The following DLGAP2 variants were observed in gnomAD, a reference collection of about 807,000 sequenced individuals.
The protein encoded by DLGAP2 is disks large-associated protein 2.
A neutral mutation model predicts 100.3 loss-of-function variants in DLGAP2; 26 were observed. That is an observed-to-expected ratio of 0.26 (90% CI 0.19 to 0.36). The LOEUF (loss-of-function observed/expected upper bound fraction) is 0.36. Among genes scored for constraint, DLGAP2 ranks in the 10% least tolerant of loss-of-function variants. The pLI is 1.00. For synonymous variants in DLGAP2, 886 were observed against 630.1 expected (o/e 1.41, Z -6.08); for missense variants, 1,858 against 1,453.2 (o/e 1.28, Z -4.53).
In DLGAP2 at chr8:1,185,709, TCACACA is replaced by T. The variant is rs879332226; in HGVS notation, c.74-73130_74-73125del. Among the ~76,000 whole-genome samples the T allele has an allele frequency of 8.0e-5, 7 of 87,266 alleles. No individual in the cohort carries two copies. In the East Asian group the frequency reaches 2.4e-3, roughly 30 times the overall value. The allele number at this position is 87,266 out of a possible 152,430, so 57.2% of individuals were successfully genotyped here. A position where few individuals can be genotyped will look rare whatever the true frequency, so the allele number is the denominator to read the frequency against. On this transcript the variant is annotated intron_variant, in intron 2 of 14. Coordinates refer to ENST00000637795, the MANE Select transcript of DLGAP2 (RefSeq NM_001346810.2). ...TAGCTGTAAACACACACACTCACAC[TCACACA>T]CACACACACACTCACACTCACACAC...
intron 4 of DLGAP2, among the ~76,000 whole-genome samples, chr8:1,543,255 A>G (rs759612711): frequency 3.4e-4 from 52 of 152,246 alleles, no homozygotes; most frequent in Non-Finnish European, 1.0e-4. Context: ...GACATGTCTA[A>G]GAAACCATTG....
chr8:1,192,524 A>G lies in DLGAP2; in HGVS notation c.74-66327A>G, dbSNP rs552174459. On this transcript the variant is annotated intron_variant, in intron 2 of 14. Coordinates refer to ENST00000637795, the MANE Select transcript of DLGAP2 (RefSeq NM_001346810.2). ...TAAACCTGCTCCTCCGTCTGTCTGA[A>G]ATCTCATGCCCTTTGTCCAGCCTCT... Among the ~76,000 whole-genome samples, 857 of 152,004 alleles carry G rather than the reference A, an allele frequency of 5.6e-3. 3 individuals are homozygous for G. Among genetic ancestry groups the G allele is most frequent in the Middle Eastern group, 0.017 (5 of 294 alleles).
At chr8:1,366,404 A>G (rs116326609) in intron 3 of DLGAP2, among the ~76,000 whole-genome samples, 67 of 152,302 alleles carry the variant, frequency 4.4e-4, no homozygotes, top group African/African-American at 1.6e-3. Context: ...GCATGTTGTG[A>G]GAGAACCAAG....
chr8:1,173,201 T>C (rs1797169412), intron 2 of DLGAP2, among the ~76,000 whole-genome samples: 2 of 152,296 alleles, frequency 1.3e-5, no homozygotes, highest in South Asian at 4.1e-4. Flanking sequence ...CAGTGGTTTT[T>C]CGTGAACCGC....
intron 2 of DLGAP2, among the ~76,000 whole-genome samples, chr8:1,238,283 T>A (rs1363645279): frequency 2.8e-4 from 11 of 39,582 alleles, no homozygotes; most frequent in African/African-American, 1.2e-3. Flanking sequence ...TCTAGTTCTC[T>A]CACATGTTGC....
intron 1 of DLGAP2, among the ~76,000 whole-genome samples, chr8:806,195 A>T (rs1023304417): frequency 2.0e-5 from 3 of 152,218 alleles, no homozygotes; most frequent in African/African-American, 7.2e-5. Flanking sequence ...CAAGTGACAG[A>T]TACTCAGCTC....
chr8:1,653,256 C>A (rs1171258741), intron 8 of DLGAP2, among the ~76,000 whole-genome samples: 1 of 150,438 alleles, frequency 6.6e-6, no homozygotes, highest in African/African-American at 2.5e-5. Flanking sequence ...GTTCTTGGTG[C>A]CTGGAGACAC....
At chr8:923,025 C>T (rs543829624) in intron 2 of DLGAP2, among the ~76,000 whole-genome samples, 1 of 152,214 alleles carries the variant, frequency 6.6e-6, no homozygotes, top group East Asian at 1.9e-4. Flanking sequence ...CTCTGTATCA[C>T]ACTCGGGTGT....
chr8:1,521,400 C>T lies in DLGAP2; in HGVS notation c.172+19969C>T, dbSNP rs562051887. On this transcript the variant is annotated intron_variant, in intron 4 of 14. Transcript: ENST00000637795. Reference sequence around the variant, plus strand: ...ATACTCGGGGGCAGGTGATATGGAGCGTCTCTGGTTTGCACACTTGTTTTA... The same window carrying T: ...ATACTCGGGGGCAGGTGATATGGAGTGTCTCTGGTTTGCACACTTGTTTTA... 1.3e-4 allele frequency among the ~76,000 whole-genome samples: 7 copies of T among 52,358 alleles called. 2 individuals carry two copies. In the South Asian group the frequency reaches 6.0e-3, roughly 45 times the overall value. 34.3% of individuals were successfully genotyped at this position (52,358 alleles called of 152,430 possible). A position where few individuals can be genotyped will look rare whatever the true frequency, so the allele number is the denominator to read the frequency against.
intron 1 of DLGAP2, among the ~76,000 whole-genome samples, chr8:786,704 A>G (rs975377327): frequency 1.3e-5 from 2 of 152,060 alleles, no homozygotes; most frequent in Non-Finnish European, 2.9e-5. Context: ...GGGGTGGCTG[A>G]GAAGGGAGAG....
intron 2 of DLGAP2, among the ~76,000 whole-genome samples, chr8:1,185,231 A>G (rs1797474379): frequency 6.6e-6 from 1 of 151,958 alleles, no homozygotes; most frequent in Admixed American, 6.6e-5. Context: ...GTTTTCCTGT[A>G]TTTTCTAGCC....
At chr8:1,354,136 C>G (rs1801795633) in intron 3 of DLGAP2, among the ~76,000 whole-genome samples, 1 of 152,152 alleles carries the variant, frequency 6.6e-6, no homozygotes, top group African/African-American at 2.4e-5. Flanking sequence ...TGGAAATTTA[C>G]CTTAAAGGAT....
chr8:1,311,653 C>G (rs1585247444), intron 3 of DLGAP2, among the ~76,000 whole-genome samples: 1 of 151,880 alleles, frequency 6.6e-6, no homozygotes, highest in Non-Finnish European at 1.5e-5. Context: ...ACCTGCACAT[C>G]TCAGTTGACA....
chr8:1,510,608 A>G (rs1026856738), intron 4 of DLGAP2, among the ~76,000 whole-genome samples: 3 of 152,230 alleles, frequency 2.0e-5, no homozygotes, highest in African/African-American at 7.2e-5. Flanking sequence ...GCTTAACGCC[A>G]CAGCAAACAT....
intron 1 of DLGAP2, among the ~76,000 whole-genome samples, chr8:836,825 C>A (rs1796886534): frequency 6.6e-6 from 1 of 152,228 alleles, no homozygotes; most frequent in African/African-American, 2.4e-5. Context: ...TCCCTCATCA[C>A]TTTACCGAAG....
At chr8:1,533,107 T>A (rs1469452825) in intron 4 of DLGAP2, among the ~76,000 whole-genome samples, 1 of 146,626 alleles carries the variant, frequency 6.8e-6, no homozygotes, top group Non-Finnish European at 1.5e-5. Context: ...TGTTAAAAAA[T>A]GTGCAGTTGT....
At chr8:1,200,871 C>A (rs1195591416) in intron 2 of DLGAP2, among the ~76,000 whole-genome samples, 3 of 152,240 alleles carry the variant, frequency 2.0e-5, no homozygotes, top group African/African-American at 7.2e-5. Flanking sequence ...TCGAACGATG[C>A]GTCCGCTGCT....
chr8:1,494,043 G>C lies in DLGAP2; in HGVS notation c.107-7323G>C, dbSNP rs938992212. The stretch of plus-strand genomic sequence containing the variant: ...GGCCCCTGCCCTCCCATTCTGCATC[G>C]GGGGGGGCAGTAGGATGAACCCATA... On this transcript the variant is annotated intron_variant, in intron 3 of 14. Coordinates refer to ENST00000637795, the MANE Select transcript of DLGAP2 (RefSeq NM_001346810.2). Among the ~76,000 whole-genome samples the C allele has an allele frequency of 1.5e-4, 23 of 149,784 alleles. No homozygotes were observed. The East Asian group carries it at 3.3e-3, about 22-fold the overall frequency.
chr8:750,450 A>T (rs955324025), intron 1 of DLGAP2, among the ~76,000 whole-genome samples: 13 of 152,254 alleles, frequency 8.5e-5, no homozygotes, highest in African/African-American at 3.1e-4. Flanking sequence ...ACCGGTTAAT[A>T]CTCCAAATAT....
Sources: gnomAD v4.1 joint callset for allele counts (sites outside exome capture counted in the v4.1 genomes callset) on GRCh38, gnomAD v4.1.1 for gene constraint, MANE v1.5 for transcripts, NCBI Gene and HGNC (gene_info 2026-07-23, HGNC 2026-07-21) for gene names.